Variants in HPS5 observed in about 807,000 individuals in gnomAD.
HPS5 encodes HPS5 biogenesis of lysosomal organelles complex 2 subunit 2, also known as BLOC-2 complex member HPS5.
HPS5 carries 83 observed loss-of-function variants against 128.0 expected under a neutral mutation model. That is an observed-to-expected ratio of 0.65 (90% CI 0.54 to 0.78). The LOEUF (loss-of-function observed/expected upper bound fraction) is 0.78, where lower values mean the gene tolerates loss of function less well. Ranked by LOEUF, HPS5 falls within the 30% of genes least tolerant of loss-of-function variation. HPS5 has a pLI of 0.00. For synonymous variants in HPS5, 475 were observed against 470.2 expected (o/e 1.01, Z -0.13); for missense variants, 1,281 against 1,326.2 (o/e 0.97, Z 0.53).
At chr11:18,308,172 A>C (rs753300057) in intron 6 of HPS5, among the ~76,000 whole-genome samples, 24 of 152,230 alleles carry the variant, frequency 1.6e-4, no homozygotes, top group Non-Finnish European at 3.4e-4. Flanking sequence ...GGTATTTCAC[A>C]GCTACCTCTA....
Position 18,279,742 on chromosome 11 carries a change from A to C in HPS5, c.*140T>G. 1.3e-6 allele frequency: 1 copy of C among 784,236 alleles called. No homozygotes were observed. The highest frequency in any genetic ancestry group is 2.2e-6 in the Non-Finnish European group (1 of 449,000). The allele number at this position is 784,236 out of a possible 1,614,324, so 48.6% of individuals were successfully genotyped here. On this transcript the variant is annotated 3_prime_UTR_variant, in exon 23 of 23. Transcript: ENST00000349215. ...ACAGATGCCGATGCCAAGGGTACAGACACTGACAAAAGTAGCCCCAATAAG... is the reference window on the plus strand; with the variant it reads ...ACAGATGCCGATGCCAAGGGTACAGCCACTGACAAAAGTAGCCCCAATAAG...
chr11:18,282,718 T>C (rs1054129242), intron 21 of HPS5, among the ~76,000 whole-genome samples: 1 of 152,004 alleles, frequency 6.6e-6, no homozygotes, highest in African/African-American at 2.4e-5. Flanking sequence ...AACACGTAAG[T>C]ATATACTTAT....
At chr11:18,290,989 C>T (rs1053953871) in intron 16 of HPS5, among the ~76,000 whole-genome samples, 2 of 152,156 alleles carry the variant, frequency 1.3e-5, no homozygotes, top group African/African-American at 4.8e-5. Flanking sequence ...GAGGCCAAGG[C>T]AGGTAGATCA....
In HPS5 at chr11:18,284,076, A is replaced by G. The variant is rs191180428; in HGVS notation, c.2952-175T>C. Among the ~76,000 whole-genome samples the G allele has an allele frequency of 2.8e-4, 42 of 152,252 alleles. No homozygotes were observed. The East Asian group carries it at 7.7e-3, about 28-fold the overall frequency. Reference sequence around the variant, plus strand: ...AATATATTCACATTTCAAGTAGTCAATGGCTACATGTGGCTAGTGGCCACC... The same window carrying G: ...AATATATTCACATTTCAAGTAGTCAGTGGCTACATGTGGCTAGTGGCCACC... On this transcript the variant is annotated intron_variant, in intron 20 of 22. Coordinates refer to ENST00000349215, the MANE Select transcript of HPS5 (RefSeq NM_181507.2).
chr11:18,292,131 C>A (rs916289245), intron 15 of HPS5, 112 bp from the exon 16 acceptor site: 1 of 775,496 alleles, frequency 1.3e-6, no homozygotes, highest in East Asian at 2.6e-5. Flanking sequence ...CTGGAATAAA[C>A]GTTACTTTTC....
At chr11:18,311,528 T>TTTTTTTA in intron 3 of HPS5, 77 bp from the exon 4 acceptor site, 2 of 800,194 alleles carry the variant, frequency 2.5e-6, no homozygotes, top group South Asian at 2.3e-5. Context: ...TTTTTTTTTT[T>TTTTTTTA]GAGACTGAGT....
intron 4 of HPS5, 69 bp from the exon 5 acceptor site, chr11:18,311,002 T>C: frequency 9.7e-7 from 1 of 1,032,644 alleles, no homozygotes; most frequent in Non-Finnish European, 1.5e-6. Context: ...TGCATCACAG[T>C]ATCAACTATA....
At chr11:18,296,725 A>C in intron 12 of HPS5, 73 bp downstream of exon 12, 3 of 1,339,596 alleles carry the variant, frequency 2.2e-6, no homozygotes, top group Non-Finnish European at 3.2e-6. Flanking sequence ...CGTGCACAAG[A>C]TAATCCTGGT....
intron 6 of HPS5, among the ~76,000 whole-genome samples, chr11:18,306,685 A>C (rs535776217): frequency 6.6e-6 from 1 of 152,340 alleles, no homozygotes; most frequent in East Asian, 1.9e-4. Context: ...AATCCTACTA[A>C]TTGCTTCTAA....
intron 11 of HPS5, 45 bp from the exon 12 acceptor site, chr11:18,297,029 C>G (rs1564950831): frequency 3.2e-6 from 4 of 1,261,874 alleles, no homozygotes; most frequent in Middle Eastern, 2.6e-4. Context: ...TAAAAATTTC[C>G]TTTATAACGT....
In HPS5 at chr11:18,285,338, TCA is replaced by T. The variant is rs747916421; in HGVS notation, c.2951+6_2951+7del. On this transcript the variant is annotated splice_donor_region_variant and intron_variant, in intron 20 of 22. Transcript: ENST00000349215. ...CTTAACTTCAGTTTCTAAAAAATTC[TCA>T]CTTACCCACAAGACCTGCAGATGTC... The T allele has an allele frequency of 5.7e-6, 9 of 1,573,000 alleles. No individual in the cohort carries two copies. Among genetic ancestry groups the T allele is most frequent in the Non-Finnish European group, 7.9e-6 (9 of 1,143,092 alleles).
At chr11:18,321,063 A>G (rs1245411445) in intron 1 of HPS5, among the ~76,000 whole-genome samples, 1 of 152,272 alleles carries the variant, frequency 6.6e-6, no homozygotes, top group East Asian at 1.9e-4. Context: ...CAGAATGCTG[A>G]TAATTGTTCA....
At chr11:18,305,818 C>T (rs1162034357) in intron 7 of HPS5, among the ~76,000 whole-genome samples, 2 of 151,760 alleles carry the variant, frequency 1.3e-5, no homozygotes, top group South Asian at 2.1e-4. Context: ...CTGCAAGCTC[C>T]GCCTCCCTTC....
intron 14 of HPS5, 119 bp from the exon 15 acceptor site, chr11:18,293,095 C>A: frequency 2.6e-6 from 2 of 783,832 alleles, no homozygotes; most frequent in Admixed American, 1.8e-5. Flanking sequence ...GATCTCGGTT[C>A]ATTGCAACCT....
In HPS5 at chr11:18,312,040, G is replaced by C. The variant is rs1264106635; in HGVS notation, c.109-16C>G. 1.1e-5 allele frequency: 17 copies of C among 1,566,970 alleles called. No homozygotes were observed. The highest frequency in any genetic ancestry group is 1.5e-5 in the Non-Finnish European group (17 of 1,137,306). On this transcript the variant is annotated splice_polypyrimidine_tract_variant and intron_variant, in intron 2 of 22. Transcript: ENST00000349215. ...TGCTCGTGCACTAAAAACATGTGAA[G>C]AGAAGTGTGAGATAATCACAGCTAC...
intron 10 of HPS5, 103 bp from the exon 11 acceptor site, chr11:18,297,820 C>T: frequency 1.8e-6 from 2 of 1,138,368 alleles, no homozygotes; most frequent in Non-Finnish European, 2.6e-6. Context: ...TGGCTCACGC[C>T]TGTAATCCCA....
intron 2 of HPS5, among the ~76,000 whole-genome samples, chr11:18,312,535 T>C (rs979083533): frequency 2.0e-5 from 3 of 152,342 alleles, no homozygotes; most frequent in African/African-American, 4.8e-5. Flanking sequence ...TATTAGTTGA[T>C]TGACTAAGAG....
intron 21 of HPS5, among the ~76,000 whole-genome samples, 167 bp downstream of exon 21, chr11:18,283,628 T>C (rs533864631): frequency 1.6e-4 from 25 of 152,202 alleles, no homozygotes; most frequent in African/African-American, 6.0e-4. Context: ...TCAAGGGCTA[T>C]AGGTAAAAAA....
At chr11:18,294,887 G>A in intron 14 of HPS5, 133 bp downstream of exon 14, 2 of 845,974 alleles carry the variant, frequency 2.4e-6, no homozygotes, top group South Asian at 1.5e-5. Flanking sequence ...AATTTGTGTT[G>A]GGCCACGTTC....
Sources: allele counts gnomAD v4.1 joint callset (sites outside exome capture counted in the v4.1 genomes callset), GRCh38; gene constraint gnomAD v4.1.1; transcripts MANE v1.5; gene names NCBI Gene and HGNC (gene_info 2026-07-23, HGNC 2026-07-21).